Variants in NR3C2 observed in about 807,000 individuals in gnomAD.
The protein encoded by NR3C2 is mineralocorticoid receptor.
NR3C2 carries 15 observed loss-of-function variants against 86.4 expected under a neutral mutation model. The ratio of observed to expected loss-of-function variants is 0.17; its 90% CI spans 0.12 to 0.27. The LOEUF (loss-of-function observed/expected upper bound fraction) is 0.27. Among genes scored for constraint, NR3C2 ranks in the 10% least tolerant of loss-of-function variants. NR3C2 has a pLI of 1.00. For missense variants in NR3C2, 960 were observed against 1,195.6 expected (o/e 0.80, Z 2.91); for synonymous variants, 458 against 450.5 (o/e 1.02, Z -0.21).
chr4:148,212,743 T>C (rs1190419619), intron 3 of NR3C2, among the ~76,000 whole-genome samples: 1 of 152,152 alleles, frequency 6.6e-6, no homozygotes, highest in Non-Finnish European at 1.5e-5. Context: ...GGCAGAAAAA[T>C]AGATTCTCAT....
At chr4:148,224,355 T>C (rs1425324452) in intron 3 of NR3C2, among the ~76,000 whole-genome samples, 1 of 152,248 alleles carries the variant, frequency 6.6e-6, no homozygotes, top group African/African-American at 2.4e-5. Context: ...TTTCATGATA[T>C]GACATTCAAA....
intron 6 of NR3C2, among the ~76,000 whole-genome samples, chr4:148,133,132 G>A (rs78102558): frequency 0.032 from 4,886 of 151,496 alleles, 284 homozygotes; most frequent in African/African-American, 0.11. Context: ...AGCTGAGGAC[G>A]CGGTGAGCCA....
chr4:148,248,811 T>C (rs1739437902), intron 3 of NR3C2, among the ~76,000 whole-genome samples: 1 of 152,218 alleles, frequency 6.6e-6, no homozygotes, highest in Non-Finnish European at 1.5e-5. Context: ...CCAAATTTTA[T>C]TGAGAACCAA....
intron 3 of NR3C2, among the ~76,000 whole-genome samples, chr4:148,234,740 C>T (rs1738660198): frequency 1.3e-5 from 2 of 150,226 alleles, no homozygotes; most frequent in South Asian, 4.2e-4. Flanking sequence ...TGCTGAAGGC[C>T]AATACATGGG....
chr4:148,262,232 G>A (rs2149874585), intron 2 of NR3C2, among the ~76,000 whole-genome samples: 1 of 152,036 alleles, frequency 6.6e-6, no homozygotes, highest in South Asian at 2.1e-4. Context: ...CGACATTTCT[G>A]TGGGCCTTGA....
At chr4:148,193,542 C>G (rs1008459665) in intron 4 of NR3C2, among the ~76,000 whole-genome samples, 2 of 152,196 alleles carry the variant, frequency 1.3e-5, no homozygotes, top group African/African-American at 4.8e-5. Flanking sequence ...GCACAACCTC[C>G]TGTATGTGTT....
intron 2 of NR3C2, among the ~76,000 whole-genome samples, chr4:148,310,892 T>G (rs1282256969): frequency 6.6e-6 from 1 of 152,044 alleles, no homozygotes; most frequent in Non-Finnish European, 1.5e-5. Context: ...CCTCCCACAC[T>G]CTCATGATCC....
intron 2 of NR3C2, among the ~76,000 whole-genome samples, chr4:148,398,741 C>T (rs1747986087): frequency 6.6e-6 from 1 of 152,150 alleles, no homozygotes; most frequent in Non-Finnish European, 1.5e-5. Flanking sequence ...TTACCCCTAC[C>T]CTCATGGAGC....
chr4:148,192,004 C>T (rs1000745579), intron 4 of NR3C2, among the ~76,000 whole-genome samples: 19 of 152,116 alleles, frequency 1.2e-4, no homozygotes, highest in African/African-American at 4.3e-4. Context: ...GGGATTTCTT[C>T]TTGGTTTGGA....
At chr4:148,356,120 CATT>C (rs909805603) in intron 2 of NR3C2, among the ~76,000 whole-genome samples, 1 of 152,106 alleles carries the variant, frequency 6.6e-6, no homozygotes, top group African/African-American at 2.4e-5. Flanking sequence ...ATAAAACTCT[CATT>C]ATGCAAGGGA....
intron 4 of NR3C2, among the ~76,000 whole-genome samples, chr4:148,182,599 A>C (rs1048897516): frequency 1.3e-5 from 2 of 152,232 alleles, no homozygotes; most frequent in African/African-American, 4.8e-5. Flanking sequence ...AACAGTAACA[A>C]ATTATGTGAA....
chr4:148,173,048 A>T (rs1343720686), intron 4 of NR3C2, among the ~76,000 whole-genome samples: 1 of 152,216 alleles, frequency 6.6e-6, no homozygotes, highest in Non-Finnish European at 1.5e-5. Context: ...CAGCGGGGGA[A>T]TATGTAGGGG....
At chr4:148,162,378 C>G (rs1734700220) in intron 4 of NR3C2, among the ~76,000 whole-genome samples, 1 of 151,908 alleles carries the variant, frequency 6.6e-6, no homozygotes, top group Non-Finnish European at 1.5e-5. Context: ...TTTTTTTCTC[C>G]TCTAATATGT....
chr4:148,107,068 C>G (rs1213708301), intron 8 of NR3C2, among the ~76,000 whole-genome samples: 1 of 152,098 alleles, frequency 6.6e-6, no homozygotes, highest in Non-Finnish European at 1.5e-5. Context: ...TCAGACTGAA[C>G]AGGTGACCTA....
chr4:148,305,280 A>T (rs1418090256), intron 2 of NR3C2, among the ~76,000 whole-genome samples: 2 of 152,084 alleles, frequency 1.3e-5, no homozygotes, highest in African/African-American at 4.8e-5. Flanking sequence ...GGAAGAAATA[A>T]ATTTTTTCTA....
chr4:148,096,619 C>T (rs1731287330), intron 8 of NR3C2, among the ~76,000 whole-genome samples: 1 of 152,184 alleles, frequency 6.6e-6, no homozygotes, highest in South Asian at 2.1e-4. Flanking sequence ...TGGCAAACTA[C>T]AGTTGCAGGT....
chr4:148,178,957 AC>A (rs1348712116), intron 4 of NR3C2, among the ~76,000 whole-genome samples: 2 of 151,116 alleles, frequency 1.3e-5, no homozygotes, highest in Non-Finnish European at 3.0e-5. Context: ...ACAAAAAAAA[AC>A]AACAAAACAA....
At chr4:148,125,441 C>T (rs1560934154) in intron 6 of NR3C2, among the ~76,000 whole-genome samples, 1 of 152,202 alleles carries the variant, frequency 6.6e-6, no homozygotes, top group Non-Finnish European at 1.5e-5. Context: ...TGTTCTAATA[C>T]CCACTCCTCA....
intron 3 of NR3C2, among the ~76,000 whole-genome samples, chr4:148,205,180 A>G (rs1362656559): frequency 6.6e-6 from 1 of 152,230 alleles, no homozygotes; most frequent in Non-Finnish European, 1.5e-5. Context: ...ATGAGAGCAG[A>G]TATTGGTAAC....
Sources: gnomAD v4.1 joint callset for allele counts (sites outside exome capture counted in the v4.1 genomes callset) on GRCh38, gnomAD v4.1.1 for gene constraint, MANE v1.5 for transcripts, NCBI Gene and HGNC (gene_info 2026-07-23, HGNC 2026-07-21) for gene names.